Variants in STAG1 observed in about 807,000 individuals in gnomAD.
STAG1 encodes STAG1 cohesin complex component, also known as cohesin subunit SA-1.
STAG1 carries 26 observed loss-of-function variants against 170.9 expected under a neutral mutation model. That is an observed-to-expected ratio of 0.15 (90% CI 0.11 to 0.21). The LOEUF (loss-of-function observed/expected upper bound fraction) is 0.21, where lower values mean the gene tolerates loss of function less well. Ranked by LOEUF, STAG1 falls within the 10% of genes least tolerant of loss-of-function variation. The pLI, the probability that STAG1 is intolerant of heterozygous loss-of-function variation, is 1.00. For missense variants in STAG1, 964 were observed against 1,509.5 expected (o/e 0.64, Z 5.99); for synonymous variants, 514 against 497.7 (o/e 1.03, Z -0.44).
At chr3:136,654,190 A>C (rs974221406) in intron 1 of STAG1, among the ~76,000 whole-genome samples, 1 of 152,230 alleles carries the variant, frequency 6.6e-6, no homozygotes, top group Non-Finnish European at 1.5e-5. Flanking sequence ...TTGAAATGAA[A>C]GAAGTAAAAT....
intron 2 of STAG1, among the ~76,000 whole-genome samples, chr3:136,624,829 C>G (rs1940026784): frequency 6.6e-6 from 1 of 152,134 alleles, no homozygotes; most frequent in South Asian, 2.1e-4. Context: ...AAGTGACAAA[C>G]AGTAGTACAG....
intron 7 of STAG1, among the ~76,000 whole-genome samples, chr3:136,520,380 T>A (rs944523641): frequency 2.6e-5 from 4 of 152,058 alleles, no homozygotes; most frequent in Non-Finnish European, 5.9e-5. Context: ...TTTATTATGA[T>A]AATAAGTAAG....
intron 2 of STAG1, among the ~76,000 whole-genome samples, chr3:136,626,628 C>T (rs749746607): frequency 3.3e-5 from 5 of 152,084 alleles, no homozygotes; most frequent in Non-Finnish European, 5.9e-5. Flanking sequence ...TTTGCCAACC[C>T]GGATCCAGTC....
At chr3:136,418,180 C>A (rs578057748) in intron 20 of STAG1, among the ~76,000 whole-genome samples, 1 of 151,626 alleles carries the variant, frequency 6.6e-6, no homozygotes, top group Non-Finnish European at 1.5e-5. Flanking sequence ...ATGGTGAAAC[C>A]CTGTCTCTAT....
intron 12 of STAG1, 146 bp downstream of exon 12, chr3:136,472,266 CT>C: frequency 2.1e-6 from 1 of 480,958 alleles, no homozygotes. Flanking sequence ...ACAGAAAACA[CT>C]TTTTAAATCT....
chr3:136,720,123 C>T (rs1343436592), intron 1 of STAG1, among the ~76,000 whole-genome samples: 2 of 149,070 alleles, frequency 1.3e-5, no homozygotes, highest in Non-Finnish European at 3.0e-5. Context: ...TTGTGGTAAG[C>T]TGAGATCGCG....
intron 2 of STAG1, among the ~76,000 whole-genome samples, chr3:136,626,891 G>C (rs961160567): frequency 1.3e-5 from 2 of 152,218 alleles, no homozygotes; most frequent in Non-Finnish European, 2.9e-5. Flanking sequence ...TAGATCTCAA[G>C]ATCAACCTGA....
At chr3:136,377,902 C>T in intron 22 of STAG1, 150 bp from the exon 23 acceptor site, 1 of 646,836 alleles carries the variant, frequency 1.5e-6, no homozygotes. Flanking sequence ...TTAATGTAGT[C>T]ATTTCTTAGT....
chr3:136,725,819 T>C (rs1260015067), intron 1 of STAG1, among the ~76,000 whole-genome samples: 1 of 152,202 alleles, frequency 6.6e-6, no homozygotes, highest in Non-Finnish European at 1.5e-5. Context: ...TAATAGCAAC[T>C]CAAATTCAAT....
intron 3 of STAG1, among the ~76,000 whole-genome samples, chr3:136,613,942 T>C (rs778299937): frequency 1.6e-4 from 25 of 152,106 alleles, no homozygotes; most frequent in Non-Finnish European, 2.9e-4. Context: ...TGGCTGGGCG[T>C]CGTGGCTCAT....
intron 1 of STAG1, among the ~76,000 whole-genome samples, chr3:136,675,872 T>A (rs181688559): frequency 6.6e-6 from 1 of 152,378 alleles, no homozygotes; most frequent in East Asian, 1.9e-4. Flanking sequence ...CACTCCACAA[T>A]GTGCAATGAA....
chr3:136,704,341 G>A (rs1203924029), intron 1 of STAG1, among the ~76,000 whole-genome samples: 1 of 151,816 alleles, frequency 6.6e-6, no homozygotes, highest in Non-Finnish European at 1.5e-5. Context: ...GTGAGCCAAC[G>A]AGCCCAGGCA....
intron 4 of STAG1, among the ~76,000 whole-genome samples, chr3:136,574,139 G>A (rs1937365427): frequency 1.3e-5 from 2 of 152,132 alleles, no homozygotes; most frequent in African/African-American, 4.8e-5. Flanking sequence ...TACTCGGGAG[G>A]CTGAGGCAGG....
chr3:136,487,665 A>G (rs1007578872), intron 9 of STAG1, among the ~76,000 whole-genome samples: 1 of 152,192 alleles, frequency 6.6e-6, no homozygotes, highest in African/African-American at 2.4e-5. Context: ...TAACATATAC[A>G]TGTGAATAAT....
chr3:136,479,091 T>C (rs1231391425), intron 9 of STAG1, among the ~76,000 whole-genome samples: 2 of 150,140 alleles, frequency 1.3e-5, no homozygotes, highest in African/African-American at 4.9e-5. Flanking sequence ...TTTTTTTTTA[T>C]TATACTTTAA....
At chr3:136,748,725 T>G (rs1408533949) in intron 1 of STAG1, among the ~76,000 whole-genome samples, 1 of 152,182 alleles carries the variant, frequency 6.6e-6, no homozygotes, top group African/African-American at 2.4e-5. Context: ...TTTTTAAATT[T>G]TTTAAAAAGG....
At chr3:136,451,808 G>C (rs920010680) in intron 14 of STAG1, among the ~76,000 whole-genome samples, 2 of 150,842 alleles carry the variant, frequency 1.3e-5, no homozygotes, top group African/African-American at 2.4e-5. Flanking sequence ...TACTGTAAAA[G>C]TTTAACAATT....
intron 1 of STAG1, among the ~76,000 whole-genome samples, chr3:136,668,621 G>C (rs924704385): frequency 6.6e-6 from 1 of 151,898 alleles, no homozygotes; most frequent in Non-Finnish European, 1.5e-5. Flanking sequence ...AGGAAGGAGG[G>C]GAAATCAGGA....
At chr3:136,664,713 C>T (rs780336251) in intron 1 of STAG1, among the ~76,000 whole-genome samples, 2 of 151,832 alleles carry the variant, frequency 1.3e-5, no homozygotes, top group Non-Finnish European at 2.9e-5. Context: ...TTTTGAGAAA[C>T]GCATGCCTTT....
Sources: allele counts gnomAD v4.1 joint callset (sites outside exome capture counted in the v4.1 genomes callset), GRCh38; gene constraint gnomAD v4.1.1; transcripts MANE v1.5; gene names NCBI Gene and HGNC (gene_info 2026-07-23, HGNC 2026-07-21).